LTBP2: variants seen among roughly 807,000 people sequenced by gnomAD.
LTBP2 encodes the protein latent-transforming growth factor beta-binding protein 2.
LTBP2 carries 103 observed loss-of-function variants against 210.6 expected under a neutral mutation model. That is an observed-to-expected ratio of 0.49 (90% CI 0.42 to 0.58). LTBP2 has a LOEUF of 0.58. Ranked by LOEUF, LTBP2 falls within the 20% of genes least tolerant of loss-of-function variation. LTBP2 has a pLI of 0.00. For synonymous variants in LTBP2, 1,007 were observed against 1,015.0 expected (o/e 0.99, Z 0.15); for missense variants, 2,313 against 2,494.5 (o/e 0.93, Z 1.55).
rs750167145 is a variant in LTBP2 at position 74,528,554 on chromosome 14, C to G, written c.2297G>C (p.Gly766Ala). The change falls in exon 12 of 36, where the codon GGG becomes GCG. Residue 766 changes from glycine (G) to alanine (A), a missense_variant. Transcript: ENST00000261978. ...QGQRSSGALP[G>A]PAERQPLRVV... is the part of the protein sequence containing the mutation. ...CCGGAGGGGCTGCCTCTCTGCTGGC[C>G]CGGGCAGTGCCCCGCTGCTCCTCTG... 2 of 1,613,144 alleles carry G rather than the reference C, an allele frequency of 1.2e-6. No homozygotes were observed. The highest frequency in any genetic ancestry group is 1.7e-6 in the Non-Finnish European group (2 of 1,180,044).
At chr14:74,539,034 G>T (rs990964306) in intron 8 of LTBP2, among the ~76,000 whole-genome samples, 1 of 152,262 alleles carries the variant, frequency 6.6e-6, no homozygotes, top group Admixed American at 6.5e-5. Context: ...ATTATGAGGA[G>T]CAGAAGGTGG....
chr14:74,512,866 A>C (rs551485343), intron 18 of LTBP2, among the ~76,000 whole-genome samples: 1 of 152,338 alleles, frequency 6.6e-6, no homozygotes, highest in South Asian at 2.1e-4. Flanking sequence ...AAAATGAAGG[A>C]TCTAAGATGA....
chr14:74,552,441 C>T, intron 5 of LTBP2, 48 bp from the exon 6 acceptor site: 2 of 1,546,548 alleles, frequency 1.3e-6, no homozygotes. Context: ...AACAGCAGCA[C>T]CCGCTCTGTG....
In LTBP2 at chr14:74,575,372, C is replaced by T. The variant is rs571083756; in HGVS notation, c.830+10482G>A. On this transcript the variant is annotated intron_variant, in intron 3 of 35. Coordinates refer to ENST00000261978, the MANE Select transcript of LTBP2 (RefSeq NM_000428.3). Reference sequence around the variant, plus strand: ...CCAGCTGGAAAGGACGGCCTTGAAGCAATACACTTTGTAAGGGAAATAGGA... The same window carrying T: ...CCAGCTGGAAAGGACGGCCTTGAAGTAATACACTTTGTAAGGGAAATAGGA... Among the ~76,000 whole-genome samples, 35 of 152,354 alleles carry T rather than the reference C, an allele frequency of 2.3e-4. 1 individual carries two copies. The South Asian group carries it at 6.4e-3, about 28-fold the overall frequency.
intron 10 of LTBP2, among the ~76,000 whole-genome samples, chr14:74,530,333 G>A (rs1242559065): frequency 6.6e-6 from 1 of 152,188 alleles, no homozygotes; most frequent in African/African-American, 2.4e-5. Context: ...GGGAAAAGGG[G>A]CTCATTTTTT....
chr14:74,529,626 T>C (rs1484894963), intron 10 of LTBP2, among the ~76,000 whole-genome samples: 1 of 152,158 alleles, frequency 6.6e-6, no homozygotes, highest in Non-Finnish European at 1.5e-5. Context: ...AAATGCTTAG[T>C]AATGCTTGTT....
intron 3 of LTBP2, among the ~76,000 whole-genome samples, chr14:74,567,689 G>A (rs546404054): frequency 1.3e-5 from 2 of 152,274 alleles, no homozygotes; most frequent in East Asian, 3.9e-4. Flanking sequence ...AAGGGACTGG[G>A]CCTTACCCTC....
In LTBP2 at chr14:74,586,259, G is replaced by A. The variant is rs1482396189; in HGVS notation, c.566-141C>T. On this transcript the variant is annotated intron_variant, in intron 2 of 35. Transcript: ENST00000261978. The surrounding 1 kb of genome is among the most constrained non-coding windows in gnomAD (Gnocchi z 4.6). ...GGAAGCCACTCTCCTGGCCTCAGGG[G>A]GCTCCCTGACCCATGTCTCTCCCAC... The A allele has an allele frequency of 5.4e-6, 5 of 927,344 alleles. No individual in the cohort carries two copies. The highest frequency in any genetic ancestry group is 6.4e-6 in the Non-Finnish European group (4 of 621,130). The allele number at this position is 927,344 out of a possible 1,614,324, so 57.4% of individuals were successfully genotyped here. A position where few individuals can be genotyped will look rare whatever the true frequency, so the allele number is the denominator to read the frequency against.
chr14:74,564,382 TA>T, intron 3 of LTBP2, among the ~76,000 whole-genome samples: 1 of 91,078 alleles, frequency 1.1e-5, no homozygotes, highest in Non-Finnish European at 2.0e-5. Flanking sequence ...TATATATATT[TA>T]TATTTTATAT....
At chr14:74,533,044 C>G (rs1449808392) in intron 9 of LTBP2, among the ~76,000 whole-genome samples, 1 of 152,124 alleles carries the variant, frequency 6.6e-6, no homozygotes, top group Non-Finnish European at 1.5e-5. Context: ...GTGTTTTCAC[C>G]ATGTTGCCCA....
intron 18 of LTBP2, among the ~76,000 whole-genome samples, chr14:74,514,386 T>C (rs1480659525): frequency 1.3e-5 from 2 of 152,108 alleles, no homozygotes; most frequent in Admixed American, 6.6e-5. Flanking sequence ...ATCTTTTTGG[T>C]ATAAGGCTGC....
chr14:74,556,015 T>C (rs2087724517), intron 3 of LTBP2, among the ~76,000 whole-genome samples: 1 of 152,186 alleles, frequency 6.6e-6, no homozygotes, highest in South Asian at 2.1e-4. Flanking sequence ...GGTCCTCACG[T>C]AGCTCTGACA....
At chr14:74,564,359 A>ATATATATTTATATATTTATATATATATT (rs796384096) in intron 3 of LTBP2, among the ~76,000 whole-genome samples, 1 of 16,784 alleles carries the variant, frequency 6.0e-5, no homozygotes, top group Non-Finnish European at 1.2e-4. Context: ...ATATATTTAT[A>ATATATATTTATATATTTATATATATATT]TATATATTTA....
At chr14:74,564,355 T>TATTTA (rs2087871714) in intron 3 of LTBP2, among the ~76,000 whole-genome samples, 3 of 6,722 alleles carry the variant, frequency 4.5e-4, no homozygotes, top group Admixed American at 3.7e-3. Context: ...TTATATATAT[T>TATTTA]TATATATATA....
intron 2 of LTBP2, among the ~76,000 whole-genome samples, chr14:74,589,668 C>T (rs2088253645): frequency 6.6e-6 from 1 of 152,238 alleles, no homozygotes; most frequent in Non-Finnish European, 1.5e-5. Context: ...GACCACCTGC[C>T]AGGCCCCTGT....
At chr14:74,608,511 C>T (rs978208091) in intron 1 of LTBP2, among the ~76,000 whole-genome samples, 1 of 151,446 alleles carries the variant, frequency 6.6e-6, no homozygotes, top group African/African-American at 2.4e-5. Context: ...GAGTTTGAGA[C>T]CAGCCTGGCC....
At position 74,498,478 on chromosome 14, in the gene LTBP2, A is replaced by G. The variant is rs764238545; in HGVS notation, c.*2406T>C. Reference sequence around the variant, plus strand: ...AAATAAATTATGGTTTATCCATTCAATGGAATAGTATACAGCTGTAAAATG... The same window carrying G: ...AAATAAATTATGGTTTATCCATTCAGTGGAATAGTATACAGCTGTAAAATG... On this transcript the variant is annotated 3_prime_UTR_variant, in exon 36 of 36. Transcript: ENST00000261978. The G allele has an allele frequency of 1.4e-5, 3 of 218,124 alleles. No homozygotes were observed. The highest frequency in any genetic ancestry group is 6.8e-5 in the East Asian group (1 of 14,748). 13.5% of individuals were successfully genotyped at this position (218,124 alleles called of 1,614,324 possible). A position where few individuals can be genotyped will look rare whatever the true frequency, so the allele number is the denominator to read the frequency against.
At chr14:74,553,448 C>G (rs1331236341) in intron 4 of LTBP2, among the ~76,000 whole-genome samples, 2 of 152,114 alleles carry the variant, frequency 1.3e-5, no homozygotes, top group African/African-American at 4.8e-5. Context: ...ACGCAGCTAG[C>G]AAGTGATGCA....
chr14:74,561,456 T>C (rs1413984883), intron 3 of LTBP2, among the ~76,000 whole-genome samples: 2 of 152,204 alleles, frequency 1.3e-5, no homozygotes, highest in African/African-American at 4.8e-5. Flanking sequence ...AGTATGCTTC[T>C]AGTTTTGTGT....
Sources: gnomAD v4.1 joint callset for allele counts (sites outside exome capture counted in the v4.1 genomes callset) on GRCh38, gnomAD v4.1.1 for gene constraint, Gnocchi (gnomAD v3.1) non-coding constraint, MANE v1.5 for transcripts, NCBI Gene and HGNC (gene_info 2026-07-23, HGNC 2026-07-21) for gene names.